The following ACER3 variants were observed in gnomAD, a reference collection of about 807,000 sequenced individuals.
ACER3 encodes the protein alkCDase 3.
In ACER3, 16 loss-of-function variants were observed where a neutral mutation model predicts 48.9. The ratio of observed to expected loss-of-function variants is 0.33; its 90% confidence interval spans 0.22 to 0.50. The LOEUF is 0.50. Ranked by LOEUF, ACER3 falls within the 20% of genes least tolerant of loss-of-function variation. The pLI is 0.98. For missense variants in ACER3, 227 were observed against 326.0 expected, an observed-to-expected ratio of 0.70 and a Z score of 2.34; for synonymous variants, 109 against 107.8, an observed-to-expected ratio of 1.01 and a Z score of -0.07.
At chr11:76,928,039 G>A (rs9795388) in intron 2 of ACER3, among the ~76,000 whole-genome samples, 86,904 of 151,982 alleles carry the variant, frequency 0.57, 28,046 homozygotes, top group Non-Finnish European at 0.74. Context: ...TCGCCACACT[G>A]TCTTCCACCA....
chr11:77,021,259 G>A lies in ACER3; in HGVS notation c.*932G>A, dbSNP rs1463214892. 6.6e-6 allele frequency: 1 copy of A among 152,178 alleles called. No homozygotes were observed. Among genetic ancestry groups the A allele is most frequent in the African/African-American group, 2.4e-5 (1 of 41,450 alleles). The allele number at this position is 152,178 out of a possible 1,614,324, so 9.4% of individuals were successfully genotyped here. On this transcript the variant is annotated 3_prime_UTR_variant, in exon 11 of 11. Transcript: ENST00000532485. ...TTTTCCAGTTCTCAGAGAGGTCATG[G>A]TTGTGCCCAGGGAAGTGTGTTGCAT...
At chr11:76,919,701 G>A (rs1350441543) in intron 1 of ACER3, among the ~76,000 whole-genome samples, 1 of 152,024 alleles carries the variant, frequency 6.6e-6, no homozygotes, top group Non-Finnish European at 1.5e-5. Flanking sequence ...TAAACTCTTA[G>A]TAGAAGTAAT....
chr11:76,887,108 A>G (rs1388122390), intron 1 of ACER3, among the ~76,000 whole-genome samples: 1 of 152,146 alleles, frequency 6.6e-6, no homozygotes, highest in African/African-American at 2.4e-5. Context: ...TCTACAAAAA[A>G]AATACAAAAA....
intron 1 of ACER3, among the ~76,000 whole-genome samples, chr11:76,915,443 C>A (rs959061699): frequency 6.6e-6 from 1 of 151,966 alleles, no homozygotes; most frequent in African/African-American, 2.4e-5. Context: ...TACCCACCCC[C>A]CCGAGATCGT....
chr11:76,922,929 G>A (rs1946723950), intron 1 of ACER3, among the ~76,000 whole-genome samples: 2 of 151,964 alleles, frequency 1.3e-5, no homozygotes, highest in South Asian at 4.1e-4. Flanking sequence ...TCCTTTCAGG[G>A]TCTAGCTCAA....
chr11:76,914,549 G>A (rs1456608185), intron 1 of ACER3, among the ~76,000 whole-genome samples: 7 of 152,122 alleles, frequency 4.6e-5, no homozygotes, highest in East Asian at 1.9e-4. Flanking sequence ...GAAACAACAC[G>A]TGCTGGAGAG....
rs1213282313 is a variant in ACER3, at chr11:76,969,681, A to G, written c.268-6608A>G. Among the ~76,000 whole-genome samples the G allele has an allele frequency of 2.6e-5, 4 of 151,640 alleles. No homozygotes were observed. The East Asian group carries it at 7.7e-4, about 29-fold the overall frequency. ...GAAGCTGGAAACCATCATTCTCAGC[A>G]AACTATCACAAGGACAAAAAACCAA... is the stretch of plus-strand genomic sequence containing the variant. On this transcript the variant is annotated intron_variant, in intron 3 of 10. Coordinates refer to ENST00000532485, the MANE Select transcript of ACER3 (RefSeq NM_018367.7).
At chr11:76,900,752 C>T (rs1261100632) in intron 1 of ACER3, among the ~76,000 whole-genome samples, 1 of 152,342 alleles carries the variant, frequency 6.6e-6, no homozygotes, top group Non-Finnish European at 1.5e-5. Flanking sequence ...TCTTCTTCCC[C>T]ATTCTGGCAT....
intron 1 of ACER3, among the ~76,000 whole-genome samples, chr11:76,924,054 G>C (rs1946754120): frequency 1.3e-5 from 2 of 152,036 alleles, no homozygotes; most frequent in South Asian, 4.1e-4. Context: ...TCCCCGCTTT[G>C]TTTCCTCATC....
At chr11:76,901,026 A>T (rs780805695) in intron 1 of ACER3, among the ~76,000 whole-genome samples, 1 of 152,108 alleles carries the variant, frequency 6.6e-6, no homozygotes, top group Non-Finnish European at 1.5e-5. Context: ...ACTTTTTTCT[A>T]TAATAATGGC....
At chr11:76,951,246 T>C (rs760688904) in intron 2 of ACER3, among the ~76,000 whole-genome samples, 2 of 152,196 alleles carry the variant, frequency 1.3e-5, no homozygotes, top group Non-Finnish European at 2.9e-5. Flanking sequence ...AATTGCTAAC[T>C]TTGGTGGGAT....
intron 1 of ACER3, among the ~76,000 whole-genome samples, chr11:76,912,552 T>A (rs1946405697): frequency 7.7e-6 from 1 of 130,348 alleles, no homozygotes; most frequent in African/African-American, 2.6e-5. Context: ...ATGTGATAAT[T>A]TAAAAAAATT....
At chr11:76,890,117 A>G (rs1945768944) in intron 1 of ACER3, among the ~76,000 whole-genome samples, 1 of 152,070 alleles carries the variant, frequency 6.6e-6, no homozygotes, top group Non-Finnish European at 1.5e-5. Context: ...ACCATCTTGG[A>G]TTGTAAAGTC....
chr11:76,950,722 T>A (rs1947642187), intron 2 of ACER3, among the ~76,000 whole-genome samples: 1 of 151,790 alleles, frequency 6.6e-6, no homozygotes, highest in Admixed American at 6.6e-5. Context: ...CGTCTTGGCC[T>A]CCCAAAGTTG....
intron 1 of ACER3, among the ~76,000 whole-genome samples, chr11:76,906,560 G>T (rs1452223508): frequency 1.3e-5 from 2 of 152,080 alleles, no homozygotes; most frequent in African/African-American, 4.8e-5. Flanking sequence ...CTTCAGAGAG[G>T]CTAATTTGAG....
intron 3 of ACER3, among the ~76,000 whole-genome samples, chr11:76,962,847 G>A (rs551449056): frequency 1.3e-4 from 20 of 151,574 alleles, no homozygotes; most frequent in Non-Finnish European, 2.4e-4. Flanking sequence ...GAAAAAGGTA[G>A]AGATTTATCA....
In ACER3 at chr11:76,860,990, C is replaced by G. The variant is rs1450943202; in HGVS notation, c.14C>G (p.Ala5Gly). The G allele has an allele frequency of 6.5e-7, 1 of 1,539,496 alleles. No homozygotes were observed. Among genetic ancestry groups the G allele is most frequent in the Non-Finnish European group, 8.7e-7 (1 of 1,143,154 alleles). Residue 5 changes from alanine (A) to glycine (G), a missense_variant, in exon 1 of 11, where the codon GCG (alanine) becomes GGG (glycine). By Grantham distance (60) the Ala-to-Gly change is moderately conservative. Coordinates refer to ENST00000532485, the MANE Select transcript of ACER3 (RefSeq NM_018367.7). ...GGCGGCGGCGTGATGGCTCCGGCCG[C>G]GGACCGAGAGGGCTACTGGGGCCCC... is the stretch of plus-strand genomic sequence containing the variant. The part of the protein sequence containing the change: MAPA[A>G]DREGYWGPTT...
At chr11:76,893,005 A>G (rs77666998) in intron 1 of ACER3, among the ~76,000 whole-genome samples, 3,213 of 152,312 alleles carry the variant, frequency 0.021, 117 homozygotes, top group African/African-American at 0.074. Context: ...TAGCATCTCT[A>G]TACACAAACA....
At chr11:76,932,116 T>G (rs1054408269) in intron 2 of ACER3, among the ~76,000 whole-genome samples, 2 of 152,096 alleles carry the variant, frequency 1.3e-5, no homozygotes, top group African/African-American at 4.8e-5. Flanking sequence ...GCCTGGCTAA[T>G]TTTTGTATTT....
Sources: gnomAD v4.1 joint callset for allele counts (sites outside exome capture counted in the v4.1 genomes callset) on GRCh38, gnomAD v4.1.1 for gene constraint, MANE v1.5 for transcripts, NCBI Gene and HGNC (gene_info 2026-07-23, HGNC 2026-07-21) for gene names.